LCORL: variants seen among roughly 807,000 people sequenced by gnomAD.
LCORL encodes ligand-dependent nuclear receptor corepressor-like protein.
In LCORL, 41 loss-of-function variants were observed where a neutral mutation model predicts 141.8. That is an observed-to-expected ratio of 0.29 (90% CI 0.23 to 0.38). The LOEUF is 0.38. Among genes scored for constraint, LCORL ranks in the 10% least tolerant of loss-of-function variants. LCORL has a pLI of 1.00. For synonymous variants in LCORL, 618 were observed against 694.1 expected, an observed-to-expected ratio of 0.89 and a Z score of 1.72; for missense variants, 1,759 against 2,035.0, an observed-to-expected ratio of 0.86 and a Z score of 2.61.
At chr4:18,005,110 G>A (rs1454971776) in intron 1 of LCORL, among the ~76,000 whole-genome samples, 1 of 152,100 alleles carries the variant, frequency 6.6e-6, no homozygotes, top group Admixed American at 6.5e-5. Context: ...GTAGAGACGG[G>A]ATTTCTCTAT....
chr4:17,876,938 A>T, exon 7 of LCORL: 1 of 1,230,792 alleles, frequency 8.1e-7, no homozygotes, highest in Non-Finnish European at 1.0e-6. Flanking sequence ...CATGATTTTT[A>T]CCTTGAAGTC....
intron 1 of LCORL, among the ~76,000 whole-genome samples, chr4:17,994,236 A>G (rs191491776): frequency 6.6e-6 from 1 of 152,216 alleles, no homozygotes; most frequent in Admixed American, 6.5e-5. Flanking sequence ...CTGCTTTTCT[A>G]TTTTCATTGC....
intron 1 of LCORL, among the ~76,000 whole-genome samples, chr4:18,010,505 A>G (rs945783398): frequency 6.6e-6 from 1 of 152,078 alleles, no homozygotes; most frequent in African/African-American, 2.4e-5. Flanking sequence ...GCTGGAGTGC[A>G]GTGGCATGAT....
At chr4:17,999,111 G>T (rs1429711370) in intron 1 of LCORL, among the ~76,000 whole-genome samples, 1 of 147,964 alleles carries the variant, frequency 6.8e-6, no homozygotes, top group Non-Finnish European at 1.5e-5. Context: ...GTATATTTTT[G>T]AAGGGCAGTA....
intron 4 of LCORL, among the ~76,000 whole-genome samples, chr4:17,925,409 G>A (rs900999513): frequency 6.6e-6 from 1 of 152,156 alleles, no homozygotes; most frequent in African/African-American, 2.4e-5. Flanking sequence ...TGGGAATGAA[G>A]CCTTAGGTCA....
At chr4:17,846,183 T>C (rs746082351) in intron 7 of LCORL, among the ~76,000 whole-genome samples, 16 of 152,126 alleles carry the variant, frequency 1.1e-4, no homozygotes, top group Non-Finnish European at 8.8e-5. Flanking sequence ...TTATTTAACC[T>C]TGTGAGCCTG....
chr4:17,862,972 G>A (rs1158138040), intron 7 of LCORL, among the ~76,000 whole-genome samples: 3 of 145,648 alleles, frequency 2.1e-5, no homozygotes, highest in African/African-American at 8.1e-5. Flanking sequence ...CTAATATCCA[G>A]AGTTTATAAG....
At chr4:18,007,935 A>T (rs531154345) in intron 1 of LCORL, among the ~76,000 whole-genome samples, 5 of 152,324 alleles carry the variant, frequency 3.3e-5, no homozygotes, top group African/African-American at 1.2e-4. Context: ...AAAAGTAATT[A>T]TTGGGCTGAT....
At chr4:17,947,181 C>T (rs1739020266) in intron 4 of LCORL, among the ~76,000 whole-genome samples, 1 of 151,944 alleles carries the variant, frequency 6.6e-6, no homozygotes, top group Non-Finnish European at 1.5e-5. Context: ...CGTACACACA[C>T]ACATACAATG....
chr4:17,859,679 G>T (rs1472720685), intron 7 of LCORL, among the ~76,000 whole-genome samples: 3 of 152,114 alleles, frequency 2.0e-5, no homozygotes, highest in African/African-American at 2.4e-5. Flanking sequence ...TGTACTATGA[G>T]GTTTATAACA....
chr4:17,912,430 G>T, intron 4 of LCORL: 1 of 599,274 alleles, frequency 1.7e-6, no homozygotes. Flanking sequence ...TCAGGACCTT[G>T]CCAAGATCAT....
chr4:17,849,441 T>TC (rs1185115500), intron 7 of LCORL, among the ~76,000 whole-genome samples: 6 of 151,902 alleles, frequency 3.9e-5, no homozygotes, highest in Admixed American at 1.3e-4. Flanking sequence ...TCTAGCAAAC[T>TC]CCAACAGACC....
intron 7 of LCORL, among the ~76,000 whole-genome samples, chr4:17,854,274 G>C (rs562658293): frequency 2.4e-4 from 37 of 152,246 alleles, no homozygotes; most frequent in African/African-American, 8.9e-4. Context: ...AAGAATTTAT[G>C]TAAAGCACTT....
Position 17,882,876 on chromosome 4 carries a change from C to T in LCORL, c.776+3192G>A, listed in dbSNP as rs764040655. 2.3e-4 allele frequency: 224 copies of T among 977,988 alleles called. No homozygotes were observed. The Middle Eastern group carries it at 8.9e-3, about 39-fold the overall frequency. 60.6% of individuals were successfully genotyped at this position (977,988 alleles called of 1,614,324 possible). On this transcript the variant is annotated intron_variant, in intron 6 of 7. Transcript: ENST00000635767. ...TATAAACATGCTCTAAGTTGCATTC[C>T]AACTTTCTTTTCTAACCTTACACAT... is the stretch of plus-strand genomic sequence containing the variant.
chr4:17,991,010 T>G (rs1023409834), intron 1 of LCORL, among the ~76,000 whole-genome samples: 3 of 152,114 alleles, frequency 2.0e-5, no homozygotes, highest in Non-Finnish European at 4.4e-5. Flanking sequence ...AAAAGCTTTT[T>G]GAGAGTAAAT....
At chr4:17,931,242 G>A (rs1443828021) in intron 4 of LCORL, among the ~76,000 whole-genome samples, 7 of 151,812 alleles carry the variant, frequency 4.6e-5, no homozygotes, top group Non-Finnish European at 5.9e-5. Context: ...TTAACTAGTG[G>A]TCTATTTTGT....
intron 5 of LCORL, chr4:17,893,318 A>G: frequency 9.1e-6 from 8 of 880,868 alleles, no homozygotes; most frequent in Non-Finnish European, 1.1e-5. Flanking sequence ...AAGAATGTTT[A>G]TTTATATATA....
chr4:17,998,170 A>T (rs1202205607), intron 1 of LCORL, among the ~76,000 whole-genome samples: 1 of 152,204 alleles, frequency 6.6e-6, no homozygotes, highest in Non-Finnish European at 1.5e-5. Flanking sequence ...GTATACCTGT[A>T]TAGGGCACTT....
chr4:17,926,441 T>C (rs978959476), intron 4 of LCORL, among the ~76,000 whole-genome samples: 2 of 152,236 alleles, frequency 1.3e-5, no homozygotes, highest in African/African-American at 4.8e-5. Flanking sequence ...TGCCCTCGAA[T>C]GTCAAACTCC....
Sources: allele counts gnomAD v4.1 joint callset (sites outside exome capture counted in the v4.1 genomes callset), GRCh38; gene constraint gnomAD v4.1.1; transcripts MANE v1.5; gene names NCBI Gene and HGNC (gene_info 2026-07-23, HGNC 2026-07-21).